Variants in ATP13A3 observed in about 807,000 individuals in gnomAD.
ATP13A3 encodes the protein polyamine-transporting ATPase 13A3.
In ATP13A3, 59 loss-of-function variants were observed where a neutral mutation model predicts 158.1. That is an observed-to-expected ratio of 0.37 (90% CI 0.30 to 0.46). The LOEUF is 0.46. Ranked by LOEUF, ATP13A3 falls within the 20% of genes least tolerant of loss-of-function variation. The pLI, the probability that ATP13A3 is intolerant of heterozygous loss-of-function variation, is 1.00. For missense variants in ATP13A3, 1,166 were observed against 1,525.2 expected, an observed-to-expected ratio of 0.76 and a Z score of 3.92; for synonymous variants, 491 against 504.3, an observed-to-expected ratio of 0.97 and a Z score of 0.35.
At chr3:194,411,627 C>G (rs118180990) in intron 33 of ATP13A3, among the ~76,000 whole-genome samples, 1,639 of 152,222 alleles carry the variant, frequency 0.011, 15 homozygotes, top group East Asian at 0.046. Context: ...AGTCAAATGT[C>G]CTAAACCACG....
At chr3:194,428,955 G>T in intron 27 of ATP13A3, 38 bp from the exon 28 acceptor site, 1 of 1,394,192 alleles carries the variant, frequency 7.2e-7, no homozygotes, top group South Asian at 1.3e-5. Context: ...TAGTTTTTGG[G>T]AATTATTTTT....
At chr3:194,458,477 C>G (rs973655004) in intron 6 of ATP13A3, among the ~76,000 whole-genome samples, 17 of 152,272 alleles carry the variant, frequency 1.1e-4, no homozygotes, top group African/African-American at 3.9e-4. Flanking sequence ...CAACCTCCGG[C>G]CCCCTGGGTT....
At chr3:194,483,106 CAA>C (rs112702787) in intron 2 of ATP13A3, among the ~76,000 whole-genome samples, 7 of 124,450 alleles carry the variant, frequency 5.6e-5, no homozygotes, top group Admixed American at 1.6e-4. Flanking sequence ...GACTCCGTCT[CAA>C]AAAAAAAAAA....
intron 15 of ATP13A3, among the ~76,000 whole-genome samples, chr3:194,443,433 A>C (rs763939640): frequency 6.6e-6 from 1 of 152,208 alleles, no homozygotes; most frequent in Non-Finnish European, 1.5e-5. Context: ...TGGTAGAAAT[A>C]ATTTCTAATA....
intron 30 of ATP13A3, among the ~76,000 whole-genome samples, chr3:194,421,126 ATATATATATAG>A (rs1169455145): frequency 1.5e-4 from 9 of 60,732 alleles, no homozygotes; most frequent in African/African-American, 8.6e-4. Flanking sequence ...ATATATATAT[ATATATATATAG>A]TATATATATA....
In ATP13A3 at chr3:194,405,848, G is replaced by A. The variant is rs1714889936; in HGVS notation, c.*71C>T. The stretch of plus-strand genomic sequence containing the variant: ...TGAACTAGTGCCATTCTGACACACA[G>A]GATCAGAAACTCCTAAAATCACATA... On this transcript the variant is annotated 3_prime_UTR_variant, in exon 34 of 34. Transcript: ENST00000645319. 2 of 1,515,738 alleles carry A rather than the reference G, an allele frequency of 1.3e-6. No homozygotes were observed. The allele number at this position is 1,515,738 out of a possible 1,614,324, so 93.9% of individuals were successfully genotyped here.
chr3:194,406,885 C>T (rs535011548), intron 33 of ATP13A3, among the ~76,000 whole-genome samples: 2 of 152,238 alleles, frequency 1.3e-5, no homozygotes, highest in African/African-American at 2.4e-5. Flanking sequence ...TGATGGTTTC[C>T]GTCGGTGCTC....
At chr3:194,466,060 T>C (rs577842301) in intron 2 of ATP13A3, among the ~76,000 whole-genome samples, 2 of 151,974 alleles carry the variant, frequency 1.3e-5, no homozygotes, top group East Asian at 3.8e-4. Context: ...TATTCTGAAC[T>C]GAATAAAAAT....
intron 7 of ATP13A3, among the ~76,000 whole-genome samples, chr3:194,456,784 G>A (rs1000265941): frequency 2.6e-5 from 4 of 151,960 alleles, no homozygotes; most frequent in Non-Finnish European, 5.9e-5. Flanking sequence ...TATCAAGAAC[G>A]ACACTTCACC....
chr3:194,478,020 C>T (rs1255585023), intron 2 of ATP13A3, among the ~76,000 whole-genome samples: 1 of 152,168 alleles, frequency 6.6e-6, no homozygotes, highest in African/African-American at 2.4e-5. Context: ...CCAAGCAGTT[C>T]CCTGAAATCT....
chr3:194,472,982 T>A (rs531323289), intron 2 of ATP13A3, among the ~76,000 whole-genome samples: 4 of 152,002 alleles, frequency 2.6e-5, no homozygotes, highest in Non-Finnish European at 4.4e-5. Context: ...TGGGGAACAA[T>A]GGACACTGGC....
intron 2 of ATP13A3, among the ~76,000 whole-genome samples, chr3:194,480,771 C>CA (rs1378772552): frequency 6.6e-6 from 1 of 152,144 alleles, no homozygotes; most frequent in African/African-American, 2.4e-5. Context: ...GGGGAAGCAA[C>CA]AGAGAAAAAT....
Position 194,460,693 on chromosome 3 carries a change from T to C in ATP13A3, c.190A>G (p.Ile64Val), listed in dbSNP as rs528864161. 7.2e-5 allele frequency: 116 copies of C among 1,614,156 alleles called. No homozygotes were observed. The South Asian group carries it at 1.2e-3, about 17-fold the overall frequency. The change falls in exon 4 of 34, where the codon ATT becomes GTT. Residue 64 changes from isoleucine to valine, a missense_variant. Ile to Val is a conservative substitution (Grantham distance 29, BLOSUM62 3). Transcript: ENST00000645319. ...RVKATCVRAA[I>V]KDCEVVLLRT... The stretch of plus-strand genomic sequence containing the variant: ...AGCAGCACTACTTCACAGTCTTTAA[T>C]TGCAGCTCTGACACAGGTCGCTTTC...
chr3:194,415,928 C>T (rs1293431577), intron 31 of ATP13A3, among the ~76,000 whole-genome samples: 1 of 152,128 alleles, frequency 6.6e-6, no homozygotes, highest in Non-Finnish European at 1.5e-5. Flanking sequence ...ACTTTAAGAT[C>T]AAACCTGTCC....
rs1170606848 is a variant in ATP13A3, at chr3:194,427,068, A to T, written c.3125+7T>A. ...ATATAGATTTTTACATAGATTGACC[A>T]ACTTACTCTGATTTTGGATGCCACA... is the stretch of plus-strand genomic sequence containing the variant. On this transcript the variant is annotated splice_region_variant and intron_variant, in intron 29 of 33. Coordinates refer to ENST00000645319, the MANE Select transcript of ATP13A3 (RefSeq NM_001367549.1). 1.2e-6 allele frequency: 2 copies of T among 1,607,704 alleles called. No homozygotes were observed. The highest frequency in any genetic ancestry group is 1.7e-6 in the Non-Finnish European group (2 of 1,178,358).
intron 2 of ATP13A3, among the ~76,000 whole-genome samples, chr3:194,474,978 T>C (rs2109035180): frequency 6.6e-6 from 1 of 152,240 alleles, no homozygotes; most frequent in East Asian, 1.9e-4. Flanking sequence ...TACACTGTAG[T>C]TGCATAATAC....
At chr3:194,452,616 C>T (rs1718888723) in intron 10 of ATP13A3, 1 of 152,188 alleles carries the variant, frequency 6.6e-6, no homozygotes, top group African/African-American at 2.4e-5. Flanking sequence ...ATTTGTCATA[C>T]TAAATTTCTT....
intron 13 of ATP13A3, 130 bp downstream of exon 13, chr3:194,447,722 T>G (rs543188471): frequency 5.8e-5 from 47 of 812,344 alleles, no homozygotes; most frequent in Non-Finnish European, 8.3e-5. Flanking sequence ...TTGTTAGCAT[T>G]AAATTAATTA....
At chr3:194,424,177 TTA>T (rs1716592488) in intron 30 of ATP13A3, among the ~76,000 whole-genome samples, 1 of 151,806 alleles carries the variant, frequency 6.6e-6, no homozygotes, top group Non-Finnish European at 1.5e-5. Context: ...AACATAGTTA[TTA>T]GTATGGTTAT....
Sources: gnomAD v4.1 joint callset for allele counts (sites outside exome capture counted in the v4.1 genomes callset) on GRCh38, gnomAD v4.1.1 for gene constraint, MANE v1.5 for transcripts, NCBI Gene and HGNC (gene_info 2026-07-23, HGNC 2026-07-21) for gene names.